Variants in TG observed in about 807,000 individuals in gnomAD.
The protein encoded by TG is thyroglobulin.
In TG, 270 loss-of-function variants were observed where a neutral mutation model predicts 324.7. The ratio of observed to expected loss-of-function variants is 0.83; its 90% CI spans 0.75 to 0.92. TG has a LOEUF of 0.92. Among genes scored for constraint, TG ranks in the 40% least tolerant of loss-of-function variants. The probability of loss-of-function intolerance (pLI) is 0.00; values close to 1 mark genes in which losing one functional copy is unlikely to be tolerated. For synonymous variants in TG, 1,401 were observed against 1,327.0 expected, an observed-to-expected ratio of 1.06 and a Z score of -1.21; for missense variants, 3,591 against 3,456.4, an observed-to-expected ratio of 1.04 and a Z score of -0.98.
intron 37 of TG, among the ~76,000 whole-genome samples, chr8:133,017,184 TC>T: frequency 1.3e-5 from 2 of 151,850 alleles, no homozygotes; most frequent in Middle Eastern, 6.9e-3. Context: ...CTACATCTCT[TC>T]CCTCACTAAT....
chr8:133,034,636 A>T (rs1417836437), intron 41 of TG, among the ~76,000 whole-genome samples: 1 of 152,176 alleles, frequency 6.6e-6, no homozygotes, highest in Non-Finnish European at 1.5e-5. Context: ...AGCTTAGTGG[A>T]TAAAAAAGTT....
intron 34 of TG, among the ~76,000 whole-genome samples, chr8:132,982,322 C>T (rs1830970278): frequency 1.3e-5 from 2 of 152,154 alleles, no homozygotes. Context: ...TGCCGCAGCT[C>T]CCTGTGAGCA....
At chr8:132,963,599 A>T (rs1828072802) in intron 29 of TG, among the ~76,000 whole-genome samples, 1 of 152,100 alleles carries the variant, frequency 6.6e-6, no homozygotes, top group Non-Finnish European at 1.5e-5. Flanking sequence ...AAACTCAGAG[A>T]GAGAGGGAGA....
chr8:132,880,969 G>C (rs1356849406), intron 5 of TG, among the ~76,000 whole-genome samples: 1 of 152,146 alleles, frequency 6.6e-6, no homozygotes, highest in Non-Finnish European at 1.5e-5. Flanking sequence ...GCCTATCATT[G>C]TACACAGCTG....
chr8:133,087,180 G>A (rs1434725305), intron 41 of TG, among the ~76,000 whole-genome samples: 2 of 151,818 alleles, frequency 1.3e-5, no homozygotes, highest in African/African-American at 4.8e-5. Context: ...TGATTGGGAG[G>A]ATTATGTGTA....
chr8:133,043,711 T>C (rs2131128426), intron 41 of TG, among the ~76,000 whole-genome samples: 1 of 152,286 alleles, frequency 6.6e-6, no homozygotes, highest in East Asian at 1.9e-4. Flanking sequence ...CCACTGCTTC[T>C]CGTGGGCCAG....
intron 35 of TG, among the ~76,000 whole-genome samples, chr8:133,008,174 C>G (rs752401812): frequency 2.6e-5 from 4 of 151,972 alleles, no homozygotes; most frequent in Non-Finnish European, 5.9e-5. Context: ...GAGATCATTC[C>G]AAGTAACCCA....
chr8:132,932,214 C>G (rs904511240), intron 23 of TG, among the ~76,000 whole-genome samples: 1 of 152,120 alleles, frequency 6.6e-6, no homozygotes, highest in Non-Finnish European at 1.5e-5. Flanking sequence ...ACATTACAGC[C>G]ATACAATGCT....
chr8:133,118,136 C>A (rs765383125), intron 45 of TG, among the ~76,000 whole-genome samples: 1 of 152,026 alleles, frequency 6.6e-6, no homozygotes, highest in Non-Finnish European at 1.5e-5. Context: ...TTCCCATGTC[C>A]TCCTTTCACC....
intron 41 of TG, among the ~76,000 whole-genome samples, chr8:133,062,203 TGCC>T (rs1272545046): frequency 2.6e-5 from 4 of 152,150 alleles, no homozygotes; most frequent in Admixed American, 1.3e-4. Context: ...TCTTCATGCT[TGCC>T]CCTACCCTCC....
At chr8:133,069,803 C>T (rs571063557) in intron 41 of TG, among the ~76,000 whole-genome samples, 1 of 151,974 alleles carries the variant, frequency 6.6e-6, no homozygotes, top group South Asian at 2.1e-4. Flanking sequence ...GAGTTCAAGA[C>T]CAGCCCGGCC....
intron 10 of TG, 40 bp downstream of exon 10, chr8:132,888,608 T>TGG: frequency 6.5e-7 from 1 of 1,536,336 alleles, no homozygotes. Context: ...TGTGTGTGTG[T>TGG]GTGTGTGTGT....
intron 35 of TG, among the ~76,000 whole-genome samples, chr8:132,991,558 T>C (rs1313334354): frequency 6.6e-6 from 1 of 152,226 alleles, no homozygotes. Flanking sequence ...CACAAGCCAT[T>C]TTGAGGGAGC....
chr8:132,997,134 C>T (rs1832957410), intron 35 of TG, among the ~76,000 whole-genome samples: 1 of 152,120 alleles, frequency 6.6e-6, no homozygotes, highest in African/African-American at 2.4e-5. Flanking sequence ...TGTATAATGT[C>T]CTTTCTAGAT....
At chr8:133,044,852 C>G in intron 41 of TG, 1 of 848,950 alleles carries the variant, frequency 1.2e-6, no homozygotes, top group East Asian at 2.5e-5. Flanking sequence ...TCTGAATTAA[C>G]GAGAGAGCAT....
chr8:132,965,264 G>A (rs2130416491), intron 29 of TG, among the ~76,000 whole-genome samples: 1 of 152,292 alleles, frequency 6.6e-6, no homozygotes, highest in African/African-American at 2.4e-5. Context: ...AGGCTGGGAT[G>A]GTGACATGGT....
chr8:132,952,658 A>T (rs1826279152), intron 27 of TG, among the ~76,000 whole-genome samples: 1 of 152,148 alleles, frequency 6.6e-6, no homozygotes. Context: ...AGGTGTAGGA[A>T]ATCACAACCC....
chr8:132,913,044 CAG>C lies in TG; in HGVS notation c.4164_4165del, dbSNP rs777631678. Reference sequence around the variant, plus strand: ...GACCTCTACCTTATCCTGTGTCTTACAGAGAGAGCCTTGGTGGGCAAGGATCT... The same window carrying C: ...GACCTCTACCTTATCCTGTGTCTTACAGAGAGCCTTGGTGGGCAAGGATCT... On this transcript the variant is annotated splice_acceptor_variant, in intron 19 of 47. Transcript: ENST00000220616. LOFTEE classifies it high-confidence loss of function. 1.9e-6 allele frequency: 3 copies of C among 1,614,042 alleles called. No homozygotes were observed. In the South Asian group the frequency reaches 3.3e-5, roughly 18 times the overall value.
At chr8:132,884,286 CAGTG>C (rs1815076268) in intron 8 of TG, among the ~76,000 whole-genome samples, 1 of 152,260 alleles carries the variant, frequency 6.6e-6, no homozygotes, top group South Asian at 2.1e-4. Context: ...CAGTGGGAGA[CAGTG>C]AGAACTCTTA....
Sources: gnomAD v4.1 joint callset for allele counts (sites outside exome capture counted in the v4.1 genomes callset) on GRCh38, gnomAD v4.1.1 for gene constraint, MANE v1.5 for transcripts, NCBI Gene and HGNC (gene_info 2026-07-23, HGNC 2026-07-21) for gene names.